The following SLC9A9 variants were observed in gnomAD, a reference collection of about 807,000 sequenced individuals.
The protein encoded by SLC9A9 is sodium/hydrogen exchanger 9.
Under a neutral mutation model 77.8 loss-of-function variants are expected in SLC9A9, and 62 were observed. That is an observed-to-expected ratio of 0.80 (90% CI 0.65 to 0.98). The LOEUF is 0.98. Among genes scored for constraint, SLC9A9 ranks in the 50% least tolerant of loss-of-function variants. The probability of loss-of-function intolerance (pLI) is 0.00; values close to 1 mark genes in which losing one functional copy is unlikely to be tolerated. For missense variants in SLC9A9, 775 were observed against 774.9 expected, an observed-to-expected ratio of 1.00 and a Z score of 0.00; for synonymous variants, 320 against 283.5, an observed-to-expected ratio of 1.13 and a Z score of -1.29.
intron 4 of SLC9A9, among the ~76,000 whole-genome samples, chr3:143,705,024 T>TA (rs1933926531): frequency 3.1e-5 from 1 of 32,312 alleles, no homozygotes; most frequent in South Asian, 7.2e-4. Flanking sequence ...TCTATCTATC[T>TA]ATCTATCTAT....
At position 143,652,248 on chromosome 3, in the gene SLC9A9, T is replaced by A; in HGVS notation, c.755+7A>T. The A allele has an allele frequency of 6.2e-7, 1 of 1,603,500 alleles. No individual in the cohort carries two copies. Among genetic ancestry groups the A allele is most frequent in the Non-Finnish European group, 8.5e-7 (1 of 1,171,588 alleles). ...TAAAGAAACATAGGCCAAGTTCTGG[T>A]ACTTACTATGTAAGGACTATGGCCA... On this transcript the variant is annotated splice_region_variant and intron_variant, in intron 6 of 15. Coordinates refer to ENST00000316549, the MANE Select transcript of SLC9A9 (RefSeq NM_173653.4).
intron 12 of SLC9A9, among the ~76,000 whole-genome samples, chr3:143,459,113 T>C (rs992420666): frequency 8.4e-6 from 1 of 118,436 alleles, no homozygotes; most frequent in Non-Finnish European, 2.0e-5. Context: ...TCTATTTCTC[T>C]ACAGTTTTTT....
intron 14 of SLC9A9, among the ~76,000 whole-genome samples, chr3:143,330,343 G>A (rs1199705852): frequency 6.6e-6 from 1 of 152,162 alleles, no homozygotes; most frequent in Non-Finnish European, 1.5e-5. Flanking sequence ...CAACACTGGG[G>A]ACAGCTAGCT....
At chr3:143,833,801 T>C (rs1029455144) in intron 1 of SLC9A9, among the ~76,000 whole-genome samples, 7 of 152,168 alleles carry the variant, frequency 4.6e-5, no homozygotes, top group Non-Finnish European at 1.0e-4. Context: ...ATAACCTTAC[T>C]AACACAATGC....
At chr3:143,360,724 T>G (rs2032727290) in intron 14 of SLC9A9, among the ~76,000 whole-genome samples, 1 of 152,194 alleles carries the variant, frequency 6.6e-6, no homozygotes, top group African/African-American at 2.4e-5. Context: ...ATAACAATGG[T>G]AAATTAAGAG....
intron 2 of SLC9A9, among the ~76,000 whole-genome samples, chr3:143,811,215 C>G (rs535999606): frequency 3.6e-4 from 55 of 152,202 alleles, no homozygotes; most frequent in African/African-American, 1.1e-3. Flanking sequence ...GTTTTTAATA[C>G]AAATAGGAGA....
At position 143,513,062 on chromosome 3, in the gene SLC9A9, G is replaced by A. The variant is rs566556000; in HGVS notation, c.1090-17614C>T. Among the ~76,000 whole-genome samples, 51 of 152,272 alleles carry A rather than the reference G, an allele frequency of 3.3e-4. No homozygotes were observed. The South Asian group carries it at 1.0e-2, about 30-fold the overall frequency. ...ATAAGGCTGGTGGTTGCTGAAGGCT[G>A]GGGTGGCTTTGGCAACTTCTAAAAA... On this transcript the variant is annotated intron_variant, in intron 9 of 15. Transcript: ENST00000316549.
At chr3:143,718,058 G>A (rs1372477301) in intron 4 of SLC9A9, among the ~76,000 whole-genome samples, 3 of 150,224 alleles carry the variant, frequency 2.0e-5, no homozygotes, top group African/African-American at 7.3e-5. Context: ...AGCCACACAA[G>A]TTAAAATCAA....
At chr3:143,527,035 T>G (rs1026285440) in intron 9 of SLC9A9, among the ~76,000 whole-genome samples, 7 of 152,244 alleles carry the variant, frequency 4.6e-5, no homozygotes, top group East Asian at 3.9e-4. Context: ...TTAAAGTAAG[T>G]TTTTTACATC....
At chr3:143,273,225 C>T (rs1413984289) in intron 14 of SLC9A9, among the ~76,000 whole-genome samples, 3 of 152,208 alleles carry the variant, frequency 2.0e-5, no homozygotes, top group Admixed American at 2.0e-4. Flanking sequence ...TGAGCACCTG[C>T]TCCTTTGAAG....
chr3:143,563,692 CA>C (rs1188251378), intron 8 of SLC9A9, among the ~76,000 whole-genome samples: 1 of 151,900 alleles, frequency 6.6e-6, no homozygotes, highest in African/African-American at 2.4e-5. Flanking sequence ...CCCTTGTGGG[CA>C]AAAAAATGAA....
intron 4 of SLC9A9, among the ~76,000 whole-genome samples, chr3:143,784,518 T>A (rs552533350): frequency 2.7e-3 from 408 of 149,526 alleles, no homozygotes; most frequent in African/African-American, 0.01. Context: ...TTCTTAAAAA[T>A]TTGTAATTTT....
Position 143,382,064 on chromosome 3 carries a change from T to G in SLC9A9, c.1520A>C (p.His507Pro). ...ENLKEDPSSQ[H>P]QEANNLDKNM... ...GCATTGGTTTCTTTGACTTGCCTGG[T>G]GTTGTGAGGAGGGGTCCTCCTTCAG... Residue 507 changes from histidine to proline, a missense_variant, in exon 13 of 16, where the codon CAC becomes CCC. Physicochemically the swap from His to Pro is moderately conservative, Grantham distance 77. Transcript: ENST00000316549. The G allele has an allele frequency of 6.2e-7, 1 of 1,614,066 alleles. No individual in the cohort carries two copies. Among genetic ancestry groups the G allele is most frequent in the Non-Finnish European group, 8.5e-7 (1 of 1,179,984 alleles).
chr3:143,272,332 C>T (rs1398328342), intron 14 of SLC9A9, among the ~76,000 whole-genome samples: 1 of 152,158 alleles, frequency 6.6e-6, no homozygotes, highest in Non-Finnish European at 1.5e-5. Flanking sequence ...CTGTGGTCTC[C>T]TGAAGGCAGT....
chr3:143,719,286 A>G (rs1934433437), intron 4 of SLC9A9, among the ~76,000 whole-genome samples: 1 of 152,204 alleles, frequency 6.6e-6, no homozygotes, highest in Non-Finnish European at 1.5e-5. Flanking sequence ...TTCTACTGGG[A>G]AACATGTGGG....
chr3:143,814,322 C>T (rs2008947455), intron 2 of SLC9A9, among the ~76,000 whole-genome samples: 2 of 152,064 alleles, frequency 1.3e-5, no homozygotes, highest in African/African-American at 2.4e-5. Flanking sequence ...CCAGAATCAT[C>T]AGTATGGAAA....
intron 14 of SLC9A9, among the ~76,000 whole-genome samples, chr3:143,326,546 C>G (rs536628519): frequency 6.6e-6 from 1 of 152,130 alleles, no homozygotes; most frequent in Non-Finnish European, 1.5e-5. Flanking sequence ...TCCCCCCAGG[C>G]CTTTGCATGT....
At chr3:143,736,285 T>C (rs888740325) in intron 4 of SLC9A9, among the ~76,000 whole-genome samples, 7 of 152,226 alleles carry the variant, frequency 4.6e-5, no homozygotes, top group African/African-American at 1.7e-4. Context: ...TCTATTTGTT[T>C]ATTTGTTTAT....
At chr3:143,804,663 T>G (rs1325046615) in intron 2 of SLC9A9, among the ~76,000 whole-genome samples, 1 of 152,112 alleles carries the variant, frequency 6.6e-6, no homozygotes, top group Non-Finnish European at 1.5e-5. Flanking sequence ...CTCCCAAAAT[T>G]CAATTTGCAA....
Sources: allele counts gnomAD v4.1 joint callset (sites outside exome capture counted in the v4.1 genomes callset), GRCh38; gene constraint gnomAD v4.1.1; transcripts MANE v1.5; gene names NCBI Gene and HGNC (gene_info 2026-07-23, HGNC 2026-07-21).